TASOR2: variants seen among roughly 807,000 people sequenced by gnomAD.
TASOR2 encodes the protein protein TASOR 2.
A neutral mutation model predicts 199.5 loss-of-function variants in TASOR2; 84 were observed. That is an observed-to-expected ratio of 0.42 (90% CI 0.35 to 0.50). The LOEUF (loss-of-function observed/expected upper bound fraction) is 0.50. TASOR2 is among the 20% of genes least tolerant of loss of function. The probability of loss-of-function intolerance (pLI) is 0.02; values close to 1 mark genes in which losing one functional copy is unlikely to be tolerated. For missense variants in TASOR2, 2,796 were observed against 2,835.9 expected (o/e 0.99, Z 0.32); for synonymous variants, 1,103 against 1,046.6 (o/e 1.05, Z -1.04).
chr10:5,727,218 G>A (rs1834161383), intron 10 of TASOR2, 95 bp downstream of exon 11: 2 of 1,303,762 alleles, frequency 1.5e-6, no homozygotes, highest in East Asian at 2.3e-5. Flanking sequence ...ACTGTTGACT[G>A]TTTTTTCCTC....
In TASOR2 at chr10:5,740,368, C is replaced by G. The variant is rs766883245; in HGVS notation, c.2198C>G (p.Ser733Cys). ...GCCCGTGTGAAAAAATCTTCTTGCT[C>G]TCGTATAGTGCTTAGCTGTGATGAC... The change falls in exon 13 of 21, where the codon TCT becomes TGT. Residue 733 changes from serine to cysteine, a missense_variant. Ser to Cys is a moderately radical substitution (Grantham distance 112). This residue lies in a region of TASOR2 where 847 missense variants were observed against 887.4 expected (regional missense o/e 0.95). Transcript: ENST00000328090. The surrounding 1 kb of genome is among the most constrained non-coding windows in gnomAD (Gnocchi z 5.3). 4 of 1,614,200 alleles carry G rather than the reference C, an allele frequency of 2.5e-6. No homozygotes were observed. In the South Asian group the frequency reaches 4.4e-5, roughly 18 times the overall value.
At chr10:5,711,064 G>T (rs957740936) in intron 1 of TASOR2, among the ~76,000 whole-genome samples, 26 of 152,176 alleles carry the variant, frequency 1.7e-4, no homozygotes, top group Middle Eastern at 6.8e-3. Context: ...AAGTGAAACT[G>T]AGCAAAAGTA....
At chr10:5,736,503 G>C (rs1835626779) in intron 12 of TASOR2, among the ~76,000 whole-genome samples, 1 of 152,022 alleles carries the variant, frequency 6.6e-6, no homozygotes. Context: ...ATCCTGCCTG[G>C]CTCAGCCTCC....
rs889000813 is a variant in TASOR2, at chr10:5,719,987, C to G, written c.-99-557C>G. 4.6e-5 allele frequency among the ~76,000 whole-genome samples: 7 copies of G among 152,020 alleles called. No homozygotes were observed. The highest frequency in any genetic ancestry group is 2.6e-4 in the Admixed American group (4 of 15,258). On this transcript the variant is annotated intron_variant, in intron 3 of 20. Transcript: ENST00000328090. The surrounding 1 kb of genome is among the most constrained non-coding windows in gnomAD (Gnocchi z 4.1). The stretch of plus-strand genomic sequence containing the variant: ...TGGCTCTCTTAAATTTAGGGTGATT[C>G]GTATATTTCTTTGATATTGTGATAA...
intron 14 of TASOR2, among the ~76,000 whole-genome samples, chr10:5,745,721 G>A (rs1179089392): frequency 1.3e-5 from 2 of 152,018 alleles, no homozygotes; most frequent in African/African-American, 4.8e-5. Context: ...AGAGGTTGCA[G>A]TGAGCCAAGA....
At position 5,750,887 on chromosome 10, in the gene TASOR2, G is replaced by C. The variant is rs1344776848; in HGVS notation, c.6606+860G>C. 6.6e-6 allele frequency among the ~76,000 whole-genome samples: 1 copy of C among 152,172 alleles called. No individual in the cohort carries two copies. Among genetic ancestry groups the C allele is most frequent in the African/African-American group, 2.4e-5 (1 of 41,454 alleles). ...ACCTCATCTAGGTCTAGGATCATAG[G>C]TGTCTAGAATTGTCATGTCTTCAGT... On this transcript the variant is annotated intron_variant, in intron 15 of 20. Coordinates refer to ENST00000328090, the Ensembl canonical transcript of TASOR2. This position sits in a 1 kb window ranked among gnomAD's most constrained non-coding sequence, Gnocchi z 5.4.
chr10:5,730,483 C>G lies in TASOR2; in HGVS notation c.488-4C>G. 6.3e-7 allele frequency: 1 copy of G among 1,577,066 alleles called. No homozygotes were observed. The highest frequency in any genetic ancestry group is 8.6e-7 in the Non-Finnish European group (1 of 1,162,738). On this transcript the variant is annotated splice_polypyrimidine_tract_variant and splice_region_variant and intron_variant, in intron 10 of 20. Transcript: ENST00000328090. This position sits in a 1 kb window ranked among gnomAD's most constrained non-coding sequence, Gnocchi z 4.1. The stretch of plus-strand genomic sequence containing the variant: ...GATGTTTAATACGTGTGTATATATT[C>G]TAGGGGTGAAAGATTTGAAAGTTGA...
At chr10:5,712,264 G>A (rs1050324141) in intron 1 of TASOR2, 1 of 591,966 alleles carries the variant, frequency 1.7e-6, no homozygotes, top group Non-Finnish European at 2.5e-6. Context: ...ATTTTGTTAA[G>A]ACAGTACAAA....
In TASOR2 at chr10:5,755,046, CAAAAAAAA is replaced by C. The variant is rs34884255; in HGVS notation, c.6607-1552_6607-1545del. On this transcript the variant is annotated intron_variant, in intron 15 of 20. Coordinates refer to ENST00000328090, the Ensembl canonical transcript of TASOR2. ...GGGCAACAGAGCAAGACTCTTGTCT[CAAAAAAAA>C]AAAAAAAAAAAAAAGAGAAATCTGA... is the stretch of plus-strand genomic sequence containing the variant. 1.3e-4 allele frequency among the ~76,000 whole-genome samples: 10 copies of C among 78,106 alleles called. No homozygotes were observed. In the East Asian group the frequency reaches 3.5e-3, roughly 27 times the overall value. The allele number at this position is 78,106 out of a possible 152,430, so 51.2% of individuals were successfully genotyped here.
chr10:5,747,161 C>T (rs561022771), exon 15 of TASOR2: 2 of 1,614,128 alleles, frequency 1.2e-6, no homozygotes, highest in Admixed American at 3.3e-5. Context: ...GGTCCAAACA[C>T]TGAAAATATG....
exon 21 of TASOR2, chr10:5,763,290 C>T (rs1385169181): frequency 2.4e-5 from 9 of 378,842 alleles, no homozygotes; most frequent in Non-Finnish European, 4.7e-6. Flanking sequence ...GCCTTCTAAG[C>T]TATTGAGCTT....
chr10:5,714,259 T>A (rs1435622425), intron 2 of TASOR2, 52 bp downstream of exon 3: 1 of 1,103,296 alleles, frequency 9.1e-7, no homozygotes, highest in Non-Finnish European at 1.1e-6. Flanking sequence ...TTTTACAAGA[T>A]GAAGTGAGGT....
chr10:5,705,974 T>A (rs1838538604), intron 1 of TASOR2, among the ~76,000 whole-genome samples: 1 of 152,208 alleles, frequency 6.6e-6, no homozygotes, highest in Admixed American at 6.5e-5. Context: ...TATGATTTTT[T>A]AAATTTTATA....
exon 15 of TASOR2, chr10:5,747,984 T>C (rs776581881): frequency 6.2e-7 from 1 of 1,611,348 alleles, no homozygotes; most frequent in South Asian, 1.1e-5. Context: ...TGCAGTGCTA[T>C]GGTAGGGAGT....
intron 6 of TASOR2, 47 bp from the exon 8 acceptor site, chr10:5,723,630 G>T: frequency 5.1e-6 from 6 of 1,171,042 alleles, no homozygotes; most frequent in African/African-American, 1.6e-5. Flanking sequence ...AGAAAATTTA[G>T]ATCCACTGTT....
chr10:5,710,362 TGAA>T lies in TASOR2; in HGVS notation c.-287-2457_-287-2455del, dbSNP rs968273719. ...CTTTTATGCATATACTGCTATATATTGAAGAATACTGGCCTAAAGTGGAAGCAT... is the reference window on the plus strand; with the variant it reads ...CTTTTATGCATATACTGCTATATATTGAATACTGGCCTAAAGTGGAAGCAT... On this transcript the variant is annotated intron_variant, in intron 1 of 20. Coordinates refer to ENST00000328090, the Ensembl canonical transcript of TASOR2. This position sits in a 1 kb window ranked among gnomAD's most constrained non-coding sequence, Gnocchi z 4.6. Among the ~76,000 whole-genome samples the T allele has an allele frequency of 6.6e-6, 1 of 152,150 alleles. No individual in the cohort carries two copies. The highest frequency in any genetic ancestry group is 2.4e-5 in the African/African-American group (1 of 41,452).
chr10:5,717,413 C>T (rs751306548), intron 2 of TASOR2, among the ~76,000 whole-genome samples: 2 of 152,130 alleles, frequency 1.3e-5, no homozygotes, highest in Admixed American at 1.3e-4. Context: ...ACAGAATTAG[C>T]GCTCTCTTCC....
At chr10:5,728,482 A>G (rs1656152772) in intron 10 of TASOR2, among the ~76,000 whole-genome samples, 1 of 152,086 alleles carries the variant, frequency 6.6e-6, no homozygotes, top group Admixed American at 6.5e-5. Context: ...CTAAAATACA[A>G]AAAATTAGCT....
At chr10:5,746,802 G>A (rs560587714) in exon 15 of TASOR2, 10 of 1,614,140 alleles carry the variant, frequency 6.2e-6, no homozygotes, top group Non-Finnish European at 8.5e-6. Flanking sequence ...TTTGTGCCTC[G>A]TCAGTAGGTG....
Sources: gnomAD v4.1 joint callset for allele counts (sites outside exome capture counted in the v4.1 genomes callset) on GRCh38, gnomAD v4.1.1 for gene constraint, gnomAD v4.1.1 regional missense constraint, Gnocchi (gnomAD v3.1) non-coding constraint, MANE v1.5 for transcripts, NCBI Gene and HGNC (gene_info 2026-07-23, HGNC 2026-07-21) for gene names.